Variants in CXCL13 observed in about 807,000 individuals in gnomAD.
The protein encoded by CXCL13 is C-X-C motif chemokine 13.
In CXCL13, 7 loss-of-function variants were observed where a neutral mutation model predicts 12.2. The observed-to-expected ratio is 0.57, with a 90% CI of 0.33 to 1.07. The LOEUF (loss-of-function observed/expected upper bound fraction) is 1.07. Ranked by LOEUF, CXCL13 falls within the 50% of genes least tolerant of loss-of-function variation. CXCL13 has a pLI of 0.04. For missense variants in CXCL13, 113 were observed against 127.4 expected (o/e 0.89, Z 0.55); for synonymous variants, 47 against 42.4 (o/e 1.11, Z -0.42).
chr4:77,521,988 A>G (rs1047114501), intron 1 of CXCL13, among the ~76,000 whole-genome samples: 2 of 152,138 alleles, frequency 1.3e-5, no homozygotes, highest in African/African-American at 4.8e-5. Flanking sequence ...ATTCAGGAAC[A>G]GGTTGTTCAG....
At position 77,607,764 on chromosome 4, in the gene CXCL13, T is replaced by TA. The variant is rs1727027808; in HGVS notation, c.127dup (p.Ile43AsnfsTer3). 29 of 1,613,668 alleles carry TA rather than the reference T, an allele frequency of 1.8e-5. No individual in the cohort carries two copies. Among genetic ancestry groups the TA allele is most frequent in the Non-Finnish European group, 2.4e-5 (28 of 1,179,852 alleles). On this transcript the variant is annotated frameshift_variant, in exon 2 of 4. Coordinates refer to ENST00000682537, the MANE Select transcript of CXCL13 (RefSeq NM_001371558.1). LOFTEE classifies it high-confidence loss of function. ...GATGTGTCCAAGAGAGCTCAGTCTTTATCCCTAGACGCTTCATTGATCGAA... is the reference window on the plus strand; with the variant it reads ...GATGTGTCCAAGAGAGCTCAGTCTTTAATCCCTAGACGCTTCATTGATCGAA...
At chr4:77,549,684 G>A (rs1725459932) in intron 1 of CXCL13, among the ~76,000 whole-genome samples, 2 of 152,108 alleles carry the variant, frequency 1.3e-5, no homozygotes, top group Admixed American at 6.6e-5. Context: ...AACAGCAAAT[G>A]TTACTGCCTG....
chr4:77,558,434 C>A (rs945135567), intron 1 of CXCL13, among the ~76,000 whole-genome samples: 2 of 152,160 alleles, frequency 1.3e-5, no homozygotes, highest in South Asian at 2.1e-4. Context: ...CTCACTGCAA[C>A]CTCTGCCTCC....
chr4:77,512,171 A>G (rs1724293685), intron 1 of CXCL13, among the ~76,000 whole-genome samples: 1 of 152,228 alleles, frequency 6.6e-6, no homozygotes, highest in Non-Finnish European at 1.5e-5. Flanking sequence ...AGGGAAACTA[A>G]TTAGCCTGCT....
At chr4:77,580,461 G>C (rs1344808197) in intron 1 of CXCL13, among the ~76,000 whole-genome samples, 2 of 150,020 alleles carry the variant, frequency 1.3e-5, no homozygotes, top group Non-Finnish European at 3.0e-5. Context: ...CAAGTAGCTG[G>C]GACTACAGGC....
intron 1 of CXCL13, among the ~76,000 whole-genome samples, chr4:77,573,201 T>G (rs1443274120): frequency 6.6e-6 from 1 of 151,870 alleles, no homozygotes; most frequent in Non-Finnish European, 1.5e-5. Flanking sequence ...AGTTTACCTA[T>G]GTAACAAACC....
intron 1 of CXCL13, among the ~76,000 whole-genome samples, chr4:77,591,560 A>T (rs2109831149): frequency 6.6e-6 from 1 of 151,874 alleles, no homozygotes; most frequent in East Asian, 1.9e-4. Flanking sequence ...CAAAAAAAAA[A>T]AAAAAAAAAA....
At chr4:77,609,426 CCT>C (rs750056529) in intron 2 of CXCL13, among the ~76,000 whole-genome samples, 63 of 152,078 alleles carry the variant, frequency 4.1e-4, no homozygotes, top group Non-Finnish European at 8.4e-4. Flanking sequence ...AAGCCTCCCT[CCT>C]CAGCCTCCCG....
At chr4:77,573,707 G>C (rs1726145981) in intron 1 of CXCL13, among the ~76,000 whole-genome samples, 2 of 151,964 alleles carry the variant, frequency 1.3e-5, no homozygotes, top group South Asian at 4.1e-4. Context: ...CTCACTTCAT[G>C]CTATAGCTCA....
intron 1 of CXCL13, among the ~76,000 whole-genome samples, chr4:77,537,208 G>C (rs1445074042): frequency 1.3e-5 from 2 of 152,232 alleles, no homozygotes; most frequent in African/African-American, 4.8e-5. Context: ...GCAGCTATAA[G>C]AGTACTACTG....
At position 77,562,268 on chromosome 4, in the gene CXCL13, C is replaced by T. The variant is rs1487891635; in HGVS notation, c.-42-43556C>T. Among the ~76,000 whole-genome samples the T allele has an allele frequency of 4.0e-5, 6 of 150,218 alleles. No homozygotes were observed. In the East Asian group the frequency reaches 8.0e-4, roughly 20 times the overall value. ...GCGAGGCCTGAGCCTCCCTGACGGG[C>T]AACGCCCCCTGCTCTGCTGCGCTGG... On this transcript the variant is annotated intron_variant, in intron 1 of 4. Coordinates refer to the CXCL13 transcript ENST00000286758.
chr4:77,581,639 G>A (rs544447316), intron 1 of CXCL13, among the ~76,000 whole-genome samples: 7 of 152,124 alleles, frequency 4.6e-5, no homozygotes, highest in East Asian at 3.9e-4. Flanking sequence ...CAACAAATAC[G>A]TATTGAGTAT....
intron 1 of CXCL13, among the ~76,000 whole-genome samples, chr4:77,546,538 G>A (rs1725369043): frequency 6.6e-6 from 1 of 152,184 alleles, no homozygotes; most frequent in South Asian, 2.1e-4. Context: ...TTTGTGTAGA[G>A]TTGTGTATAG....
chr4:77,574,607 C>G (rs956089080), intron 1 of CXCL13, among the ~76,000 whole-genome samples: 1 of 151,826 alleles, frequency 6.6e-6, no homozygotes, highest in Non-Finnish European at 1.5e-5. Context: ...TAAAAAGGTG[C>G]TATTGGGCAC....
At chr4:77,566,726 C>G (rs994291139) in intron 1 of CXCL13, among the ~76,000 whole-genome samples, 1 of 152,144 alleles carries the variant, frequency 6.6e-6, no homozygotes, top group African/African-American at 2.4e-5. Flanking sequence ...TTTCCTTGGC[C>G]CTTTTAATCC....
chr4:77,542,551 G>A (rs1040131763), intron 1 of CXCL13, among the ~76,000 whole-genome samples: 1 of 152,088 alleles, frequency 6.6e-6, no homozygotes, highest in Non-Finnish European at 1.5e-5. Flanking sequence ...CCTTCCACCA[G>A]GCCCCATCTC....
intron 1 of CXCL13, among the ~76,000 whole-genome samples, chr4:77,600,209 C>T (rs1474820792): frequency 1.3e-5 from 2 of 151,690 alleles, no homozygotes; most frequent in Non-Finnish European, 2.9e-5. Flanking sequence ...AGAGGACTTA[C>T]ATGTAAACTT....
At chr4:77,554,458 G>A (rs1254097994) in intron 1 of CXCL13, among the ~76,000 whole-genome samples, 1 of 152,018 alleles carries the variant, frequency 6.6e-6, no homozygotes. Context: ...TATACATGAA[G>A]CAAAAGCTGA....
At chr4:77,533,320 G>T (rs1724977884) in intron 1 of CXCL13, among the ~76,000 whole-genome samples, 1 of 152,202 alleles carries the variant, frequency 6.6e-6, no homozygotes, top group Non-Finnish European at 1.5e-5. Flanking sequence ...GTTTGCCTGG[G>T]TATCAGCAGC....
Sources: allele counts gnomAD v4.1 joint callset (sites outside exome capture counted in the v4.1 genomes callset), GRCh38; gene constraint gnomAD v4.1.1; transcripts MANE v1.5; gene names NCBI Gene and HGNC (gene_info 2026-07-23, HGNC 2026-07-21).